The following ADGRA3 variants were observed in gnomAD, a reference collection of about 807,000 sequenced individuals.
ADGRA3 encodes the protein adhesion G protein-coupled receptor A3.
ADGRA3 carries 56 observed loss-of-function variants against 119.8 expected under a neutral mutation model. That is an observed-to-expected ratio of 0.47 (90% CI 0.38 to 0.58). The LOEUF (loss-of-function observed/expected upper bound fraction) is 0.58, where lower values mean the gene tolerates loss of function less well. Among genes scored for constraint, ADGRA3 ranks in the 20% least tolerant of loss-of-function variants. The pLI is 0.00. For synonymous variants in ADGRA3, 607 were observed against 623.8 expected (o/e 0.97, Z 0.40); for missense variants, 1,516 against 1,649.0 (o/e 0.92, Z 1.40).
chr4:22,436,667 A>C, intron 8 of ADGRA3, 26 bp from the exon 9 acceptor site: 1 of 1,588,904 alleles, frequency 6.3e-7, no homozygotes, highest in South Asian at 1.1e-5. Context: ...AAATAGTACA[A>C]GAAAATCTAA....
intron 8 of ADGRA3, 101 bp downstream of exon 8, chr4:22,438,155 T>C (rs1177561091): frequency 6.8e-6 from 6 of 885,486 alleles, no homozygotes; most frequent in African/African-American, 4.9e-5. Context: ...TGTGCAGTTC[T>C]CAAATTTTGT....
intron 2 of ADGRA3, among the ~76,000 whole-genome samples, chr4:22,471,079 G>A (rs1717844289): frequency 6.6e-6 from 1 of 152,164 alleles, no homozygotes; most frequent in East Asian, 1.9e-4. Flanking sequence ...GAGACGCACA[G>A]GAACAGTCAG....
intron 1 of ADGRA3, among the ~76,000 whole-genome samples, chr4:22,476,485 G>A (rs954081363): frequency 2.0e-5 from 3 of 152,090 alleles, no homozygotes; most frequent in Admixed American, 2.0e-4. Flanking sequence ...AAGGAAACCT[G>A]ATGAAGAGAA....
At position 22,462,802 on chromosome 4, in the gene ADGRA3, G is replaced by A. The variant is rs142959724; in HGVS notation, c.330-994C>T. On this transcript the variant is annotated intron_variant, in intron 2 of 18. Transcript: ENST00000334304. ...CACTACCACTTGGGGGTGGGAGGCAGCAGTGAATGTCTCAGCCACATCCCT... is the reference window on the plus strand; with the variant it reads ...CACTACCACTTGGGGGTGGGAGGCAACAGTGAATGTCTCAGCCACATCCCT... Among the ~76,000 whole-genome samples the A allele has an allele frequency of 6.3e-3, 955 of 152,348 alleles. 12 individuals carry two copies. Among genetic ancestry groups the A allele is most frequent in the African/African-American group, 0.021 (892 of 41,582 alleles).
chr4:22,497,799 G>T (rs1718894618), intron 1 of ADGRA3, among the ~76,000 whole-genome samples: 1 of 148,944 alleles, frequency 6.7e-6, no homozygotes, highest in Non-Finnish European at 1.5e-5. Flanking sequence ...AAGTGTTCAG[G>T]CCGGGTGTGG....
At chr4:22,507,923 TAATAAACTAAATA>T (rs1577390869) in intron 1 of ADGRA3, among the ~76,000 whole-genome samples, 2 of 152,300 alleles carry the variant, frequency 1.3e-5, no homozygotes, top group East Asian at 3.9e-4. Context: ...GCTATGAACC[TAATAAACTAAATA>T]AAGACATGTT....
chr4:22,515,468 G>A (rs1719617756), intron 1 of ADGRA3, 60 bp downstream of exon 1: 1 of 1,568,740 alleles, frequency 6.4e-7, no homozygotes, highest in African/African-American at 1.4e-5. Flanking sequence ...CTCCAAAGTT[G>A]AGCGGAGAGA....
intron 1 of ADGRA3, among the ~76,000 whole-genome samples, chr4:22,488,709 C>A (rs568835141): frequency 3.1e-4 from 47 of 152,148 alleles, no homozygotes; most frequent in Non-Finnish European, 6.3e-4. Flanking sequence ...CAAAAGCAGA[C>A]AGACCTGAGT....
intron 12 of ADGRA3, among the ~76,000 whole-genome samples, chr4:22,419,696 C>A (rs976022930): frequency 6.6e-6 from 1 of 152,096 alleles, no homozygotes; most frequent in Non-Finnish European, 1.5e-5. Flanking sequence ...AAAAAACACA[C>A]CTTTCTCTCA....
chr4:22,508,952 C>T (rs938543664), intron 1 of ADGRA3, among the ~76,000 whole-genome samples: 5 of 152,178 alleles, frequency 3.3e-5, no homozygotes, highest in African/African-American at 1.2e-4. Flanking sequence ...ATTCCCTCTT[C>T]GTCCCACCTG....
intron 16 of ADGRA3, chr4:22,394,365 T>G (rs1045694779): frequency 2.0e-5 from 3 of 152,308 alleles, no homozygotes; most frequent in Non-Finnish European, 4.4e-5. Context: ...GGATCAAGTT[T>G]GGCCCAACTA....
rs749246353 is a variant in ADGRA3, at chr4:22,473,801, T to C, written c.300A>G (p.Ser100=). 3.7e-6 allele frequency: 6 copies of C among 1,606,256 alleles called. No homozygotes were observed. The highest frequency in any genetic ancestry group is 3.3e-5 in the South Asian group (3 of 89,724). Reference sequence around the variant, plus strand: ...TTTCAAGGAGACTTAACCCAGAAAATGAGCCATTCTTCAGCTCGGATATCT... The same window carrying C: ...TTTCAAGGAGACTTAACCCAGAAAACGAGCCATTCTTCAGCTCGGATATCT... ...NNKISELKNG[S]FSGLSLLERL... is the part of the protein sequence containing the mutation. Residue 100 remains serine, a synonymous_variant, in exon 2 of 19, where the codon TCA becomes TCG. Transcript: ENST00000334304.
At chr4:22,509,415 A>G (rs1719359401) in intron 1 of ADGRA3, among the ~76,000 whole-genome samples, 1 of 151,656 alleles carries the variant, frequency 6.6e-6, no homozygotes, top group Non-Finnish European at 1.5e-5. Flanking sequence ...AGGCAGGAGA[A>G]TCGCTTGAAC....
intron 10 of ADGRA3, among the ~76,000 whole-genome samples, chr4:22,428,032 T>C (rs951176616): frequency 6.6e-6 from 1 of 152,232 alleles, no homozygotes; most frequent in African/African-American, 2.4e-5. Flanking sequence ...AAGTTCTTAA[T>C]ATACAAATGG....
In ADGRA3 at chr4:22,402,762, C is replaced by G. The variant is rs1444080461; in HGVS notation, c.2270G>C (p.Ser757Thr). 1 of 1,613,770 alleles carries G rather than the reference C, an allele frequency of 6.2e-7. No homozygotes were observed. Among genetic ancestry groups the G allele is most frequent in the Non-Finnish European group, 8.5e-7 (1 of 1,179,766 alleles). ...TGSELYTQAA[S>T]LLHPVVYTTA... is the part of the protein sequence containing the mutation. Reference sequence around the variant, plus strand: ...AGTATAAACCACAGGATGCAGGAGGCTGGCCGCCTGGGTGTATAGTTCAGA... The same window carrying G: ...AGTATAAACCACAGGATGCAGGAGGGTGGCCGCCTGGGTGTATAGTTCAGA... The change falls in exon 15 of 19, where the codon AGC becomes ACC. Residue 757 changes from serine to threonine, a missense_variant. Physicochemically the swap from Ser to Thr is moderately conservative, Grantham distance 58 (BLOSUM62 1). Transcript: ENST00000334304.
rs111871117 is a variant in ADGRA3, at chr4:22,388,046, T to C, written c.3625A>G (p.Ser1209Gly). The C allele has an allele frequency of 6.2e-7, 1 of 1,614,128 alleles. No individual in the cohort carries two copies. The highest frequency in any genetic ancestry group is 8.5e-7 in the Non-Finnish European group (1 of 1,180,008). ...EGSVQNGLPKSRLGNNEGHSR... is the reference protein window; with the variant it reads ...EGSVQNGLPKGRLGNNEGHSR... Reference sequence around the variant, plus strand: ...TGTCCTTCGTTATTGCCCAGCCGGCTTTTAGGTAAGCCGTTCTGCACGCTT... The same window carrying C: ...TGTCCTTCGTTATTGCCCAGCCGGCCTTTAGGTAAGCCGTTCTGCACGCTT... The change falls in exon 19 of 19, where the codon AGC becomes GGC. Residue 1209 changes from serine (S) to glycine (G), a missense_variant. Physicochemically the swap from Ser to Gly is moderately conservative, Grantham distance 56. Around this residue, in one of 2 missense-constraint regions of ADGRA3, gnomAD observed 1,088 missense variants for 1,107.1 expected, o/e 0.98. Coordinates refer to ENST00000334304, the MANE Select transcript of ADGRA3 (RefSeq NM_145290.4).
chr4:22,487,365 G>T (rs1193069842), intron 1 of ADGRA3, among the ~76,000 whole-genome samples: 2 of 152,160 alleles, frequency 1.3e-5, no homozygotes, highest in African/African-American at 4.8e-5. Flanking sequence ...CTCATAAAGA[G>T]CATGCAACCT....
Position 22,461,738 on chromosome 4 carries a change from A to G in ADGRA3, c.400T>C (p.Leu134=). The G allele has an allele frequency of 6.3e-7, 1 of 1,598,486 alleles. No homozygotes were observed. The highest frequency in any genetic ancestry group is 8.6e-7 in the Non-Finnish European group (1 of 1,168,588). Residue 134 remains leucine, a splice_region_variant and synonymous_variant, in exon 3 of 19, where the codon TTG becomes CTG. Coordinates refer to ENST00000334304, the MANE Select transcript of ADGRA3 (RefSeq NM_145290.4). ...AFWGLSSLKR[L]DLTNNRIGCL... ...TAAGCAAGCAATTCAAACACTTACA[A>G]TCTTTTTAGAGATGACAGTCCCCAG...
chr4:22,490,174 A>T (rs1718573383), intron 1 of ADGRA3, among the ~76,000 whole-genome samples: 1 of 152,238 alleles, frequency 6.6e-6, no homozygotes, highest in Non-Finnish European at 1.5e-5. Context: ...CATGAAATTA[A>T]ATAGCATTTC....
Sources: allele counts gnomAD v4.1 joint callset (sites outside exome capture counted in the v4.1 genomes callset), GRCh38; gene constraint gnomAD v4.1.1; regional missense constraint gnomAD v4.1.1; transcripts MANE v1.5; gene names NCBI Gene and HGNC (gene_info 2026-07-23, HGNC 2026-07-21).